TMX2: variants seen among roughly 807,000 people sequenced by gnomAD.
TMX2 encodes thioredoxin related transmembrane protein 2, also known as thioredoxin-related transmembrane protein 2.
A neutral mutation model predicts 33.4 loss-of-function variants in TMX2; 20 were observed. The observed-to-expected ratio is 0.60, with a 90% confidence interval of 0.42 to 0.87. The LOEUF (loss-of-function observed/expected upper bound fraction) is 0.87. Among genes scored for constraint, TMX2 ranks in the 40% least tolerant of loss-of-function variants. TMX2 has a pLI of 0.00. For synonymous variants in TMX2, 166 were observed against 140.7 expected (o/e 1.18, Z -1.27); for missense variants, 340 against 370.7 (o/e 0.92, Z 0.68).
At chr11:57,723,686 C>G (rs990130185) in intron 1 of TMX2, among the ~76,000 whole-genome samples, 1 of 150,768 alleles carries the variant, frequency 6.6e-6, no homozygotes, top group Non-Finnish European at 1.5e-5. Flanking sequence ...GCCTGTAATC[C>G]CAGCTACTCG....
intron 1 of TMX2, among the ~76,000 whole-genome samples, chr11:57,717,581 C>T (rs1947225281): frequency 6.6e-6 from 1 of 152,086 alleles, no homozygotes; most frequent in Admixed American, 6.5e-5. Flanking sequence ...CGCTTGCCTG[C>T]AATCGCAGGC....
rs1431216891 is a variant in TMX2 at position 57,738,428 on chromosome 11, G to A, written c.439G>A (p.Asp147Asn). ...CAAGTACTTCAATGATAAAACCATT[G>A]ATGTGAGTGCTCTTTCCCCTTTCTG... ...YIKYFNDKTIDEELERDKRVT... is the reference protein window; with the variant it reads ...YIKYFNDKTINEELERDKRVT... The change falls in exon 4 of 8, where the codon GAT becomes AAT. Residue 147 changes from aspartate (D) to asparagine (N), a missense_variant and splice_region_variant. Asp to Asn is a conservative substitution (Grantham distance 23). This residue lies in a region of TMX2 where 209 missense variants were observed against 241.6 expected (regional missense o/e 0.87). Coordinates refer to ENST00000278422, the MANE Select transcript of TMX2 (RefSeq NM_015959.4). 3.7e-6 allele frequency: 6 copies of A among 1,608,516 alleles called. No individual in the cohort carries two copies. Among genetic ancestry groups the A allele is most frequent in the Non-Finnish European group, 4.3e-6 (5 of 1,175,146 alleles).
intron 1 of TMX2, among the ~76,000 whole-genome samples, chr11:57,734,997 G>C (rs1948652612): frequency 1.3e-5 from 2 of 151,084 alleles, no homozygotes; most frequent in Admixed American, 1.3e-4. Context: ...GGGCGTGGTG[G>C]TGGGCACCTG....
intron 1 of TMX2, among the ~76,000 whole-genome samples, chr11:57,727,769 C>T (rs1199274410): frequency 6.6e-6 from 1 of 152,166 alleles, no homozygotes. Flanking sequence ...GAGCTAGGCA[C>T]CCTTTTAAGT....
At chr11:57,728,544 C>T (rs1590944704) in intron 1 of TMX2, among the ~76,000 whole-genome samples, 1 of 152,118 alleles carries the variant, frequency 6.6e-6, no homozygotes, top group Non-Finnish European at 1.5e-5. Flanking sequence ...AGCCCCGGAC[C>T]TCCCTTCAAG....
At chr11:57,737,579 C>A in intron 1 of TMX2, 29 bp from the exon 2 acceptor site, 1 of 1,602,014 alleles carries the variant, frequency 6.2e-7, no homozygotes, top group African/African-American at 1.3e-5. Flanking sequence ...TCACTGCATT[C>A]CTGTTATAAT....
At position 57,740,472 on chromosome 11, in the gene TMX2, T is replaced by C. The variant is rs1949018600; in HGVS notation, c.*227T>C. On this transcript the variant is annotated 3_prime_UTR_variant, in exon 8 of 8. Coordinates refer to ENST00000278422, the MANE Select transcript of TMX2 (RefSeq NM_015959.4). The stretch of plus-strand genomic sequence containing the variant: ...TCACTGGAGCAAGAAAGAGATCTCA[T>C]AGGACGGAGGGGGAAATGGTTTCCC... The C allele has an allele frequency of 1.0e-5, 5 of 482,472 alleles. No individual in the cohort carries two copies. The highest frequency in any genetic ancestry group is 1.1e-5 in the Non-Finnish European group (3 of 277,266). 29.9% of individuals were successfully genotyped at this position (482,472 alleles called of 1,614,324 possible). A position where few individuals can be genotyped will look rare whatever the true frequency, so the allele number is the denominator to read the frequency against.
chr11:57,724,752 C>T (rs978342368), intron 1 of TMX2, among the ~76,000 whole-genome samples: 9 of 151,936 alleles, frequency 5.9e-5, no homozygotes, highest in African/African-American at 2.2e-4. Context: ...AAAATGGGTA[C>T]TATAAGGCTG....
intron 1 of TMX2, chr11:57,718,651 CTCT>C (rs1250802984): frequency 4.1e-5 from 13 of 317,528 alleles, no homozygotes; most frequent in African/African-American, 3.0e-4. Context: ...ATAACCCCCC[CTCT>C]TTTTTTTTTT....
chr11:57,731,156 G>C, intron 1 of TMX2, among the ~76,000 whole-genome samples: 1 of 64,100 alleles, frequency 1.6e-5, no homozygotes, highest in African/African-American at 5.8e-5. Flanking sequence ...TTTTTTTTGA[G>C]ATCCAGTTTC....
chr11:57,739,994 C>T, intron 7 of TMX2, 105 bp from the exon 8 acceptor site: 1 of 1,533,406 alleles, frequency 6.5e-7, no homozygotes, highest in South Asian at 1.2e-5. Flanking sequence ...TTGTCCTTTG[C>T]TTACTCCTTC....
At chr11:57,728,713 A>G (rs12272365) in intron 1 of TMX2, among the ~76,000 whole-genome samples, 3 of 152,060 alleles carry the variant, frequency 2.0e-5, no homozygotes, top group African/African-American at 7.3e-5. Context: ...CATTTGTGTG[A>G]GGAACTGAAC....
chr11:57,719,337 T>C (rs1205845513), intron 1 of TMX2, among the ~76,000 whole-genome samples: 4 of 151,082 alleles, frequency 2.6e-5, no homozygotes, highest in African/African-American at 9.7e-5. Context: ...GCCTGGCCAA[T>C]TTTTTTATTT....
chr11:57,738,299 A>G (rs1948872363), intron 3 of TMX2, 55 bp from the exon 4 acceptor site: 1 of 1,364,586 alleles, frequency 7.3e-7, no homozygotes, highest in African/African-American at 1.4e-5. Context: ...TTTGGAAGTA[A>G]ATTCCCTGTG....
chr11:57,737,289 G>A (rs1271275738), intron 1 of TMX2, among the ~76,000 whole-genome samples: 2 of 152,028 alleles, frequency 1.3e-5, no homozygotes, highest in African/African-American at 4.8e-5. Context: ...GTGTGGTGGC[G>A]CATGTCTGCA....
chr11:57,713,196 C>T (rs1483388234), intron 1 of TMX2, among the ~76,000 whole-genome samples: 3 of 152,166 alleles, frequency 2.0e-5, no homozygotes, highest in African/African-American at 7.2e-5. Flanking sequence ...AGTAATATTC[C>T]TGTTTCATTG....
intron 1 of TMX2, among the ~76,000 whole-genome samples, chr11:57,720,845 C>G (rs1423442455): frequency 6.6e-6 from 1 of 152,186 alleles, no homozygotes; most frequent in Non-Finnish European, 1.5e-5. Flanking sequence ...ATCATAGTGC[C>G]TTTTTGCAGG....
rs933154916 is a variant in TMX2 at position 57,736,812 on chromosome 11, G to A, written c.190-796G>A. On this transcript the variant is annotated intron_variant, in intron 1 of 7. Coordinates refer to ENST00000278422, the MANE Select transcript of TMX2 (RefSeq NM_015959.4). ...TTGAGTCAGGAGAAACACAAGCCCA[G>A]GTGGCAGAGGTTTCAGTGAGCTGAG... Among the ~76,000 whole-genome samples, 4 of 151,708 alleles carry A rather than the reference G, an allele frequency of 2.6e-5. No homozygotes were observed. The East Asian group carries it at 7.7e-4, about 29-fold the overall frequency.
intron 1 of TMX2, among the ~76,000 whole-genome samples, chr11:57,714,103 G>T (rs1180240415): frequency 1.3e-5 from 2 of 152,184 alleles, no homozygotes; most frequent in African/African-American, 4.8e-5. Context: ...ATTTTGGGGT[G>T]TGAGTCCCTG....
Sources: gnomAD v4.1 joint callset for allele counts (sites outside exome capture counted in the v4.1 genomes callset) on GRCh38, gnomAD v4.1.1 for gene constraint, gnomAD v4.1.1 regional missense constraint, MANE v1.5 for transcripts, NCBI Gene and HGNC (gene_info 2026-07-23, HGNC 2026-07-21) for gene names.